The following CDH26 variants were observed in gnomAD, a reference collection of about 807,000 sequenced individuals.
CDH26 encodes the protein cadherin 26, also known as cadherin-like protein 26.
CDH26 carries 83 observed loss-of-function variants against 90.3 expected under a neutral mutation model. The ratio of observed to expected loss-of-function variants is 0.92; its 90% CI spans 0.77 to 1.10. The LOEUF is 1.10. CDH26 is among the 50% of genes least tolerant of loss of function. The probability of loss-of-function intolerance (pLI) is 0.00; values close to 1 mark genes in which losing one functional copy is unlikely to be tolerated. For missense variants in CDH26, 1,013 were observed against 1,037.6 expected (o/e 0.98, Z 0.33); for synonymous variants, 397 against 396.3 (o/e 1.00, Z -0.02).
intron 12 of CDH26, 46 bp downstream of exon 12, chr20:59,996,100 AG>A (rs753556079): frequency 5.0e-5 from 78 of 1,572,880 alleles, no homozygotes; most frequent in Non-Finnish European, 6.6e-5. Context: ...TCCTCTCCCC[AG>A]GCAATAGGCC....
chr20:59,988,888 C>G lies in CDH26; in HGVS notation c.1024-16C>G. 1 of 1,611,084 alleles carries G rather than the reference C, an allele frequency of 6.2e-7. No individual in the cohort carries two copies. Among genetic ancestry groups the G allele is most frequent in the Non-Finnish European group, 8.5e-7 (1 of 1,177,752 alleles). On this transcript the variant is annotated splice_polypyrimidine_tract_variant and intron_variant, in intron 8 of 17. Transcript: ENST00000348616. Reference sequence around the variant, plus strand: ...GAGCAGCAGGTGCTAATGAAATCCTCTCTCTGGGGTTCCAGCCTTTGGATT... The same window carrying G: ...GAGCAGCAGGTGCTAATGAAATCCTGTCTCTGGGGTTCCAGCCTTTGGATT...
At chr20:60,001,465 T>G (rs1268957324) in intron 15 of CDH26, 54 bp downstream of exon 15, 61 of 1,600,372 alleles carry the variant, frequency 3.8e-5, no homozygotes, top group African/African-American at 1.3e-5. Flanking sequence ...TGACTAACAG[T>G]TGGTCCCCCT....
chr20:59,967,882 T>TCTCTCTCTCTCTCTC (rs1569024328), intron 1 of CDH26, among the ~76,000 whole-genome samples: 1 of 116,452 alleles, frequency 8.6e-6, no homozygotes, highest in African/African-American at 4.8e-5. Flanking sequence ...TCTTTCTTCC[T>TCTCTCTCTCTCTCTC]TCCTTCCTTC....
chr20:60,006,899 G>A (rs1764418995), intron 17 of CDH26, 112 bp downstream of exon 17: 2 of 762,136 alleles, frequency 2.6e-6, no homozygotes, highest in Admixed American at 4.3e-5. Flanking sequence ...AGTCAGCTAA[G>A]GCTGCCATAA....
At position 59,992,584 on chromosome 20, in the gene CDH26, C is replaced by T. The variant is rs868775980; in HGVS notation, c.1426+64C>T. 1.3e-6 allele frequency: 2 copies of T among 1,541,284 alleles called. No homozygotes were observed. The highest frequency in any genetic ancestry group is 2.2e-5 in the East Asian group (1 of 44,452). On this transcript the variant is annotated intron_variant, in intron 10 of 17. Coordinates refer to ENST00000348616, the MANE Select transcript of CDH26 (RefSeq NM_177980.4). This position sits in a 1 kb window ranked among gnomAD's most constrained non-coding sequence, Gnocchi z 5.0. Reference sequence around the variant, plus strand: ...TTCTTGCTTCCTGCGGGAAAATAACCCTGGTGAGCGTCTTTCAGCACAGCA... The same window carrying T: ...TTCTTGCTTCCTGCGGGAAAATAACTCTGGTGAGCGTCTTTCAGCACAGCA...
In CDH26 at chr20:60,012,850, A is replaced by G. The variant is rs561486909; in HGVS notation, c.*120A>G. On this transcript the variant is annotated 3_prime_UTR_variant, in exon 18 of 18. Coordinates refer to ENST00000348616, the MANE Select transcript of CDH26 (RefSeq NM_177980.4). ...AGAAAAATTACCTTCTAGTCCTAGG[A>G]TGAGGACACACTATTAGTTTGAATT... 131 of 842,132 alleles carry G rather than the reference A, an allele frequency of 1.6e-4. No homozygotes were observed. The highest frequency in any genetic ancestry group is 2.3e-4 in the Non-Finnish European group (123 of 544,038). 52.2% of individuals were successfully genotyped at this position (842,132 alleles called of 1,614,324 possible). A position where few individuals can be genotyped will look rare whatever the true frequency, so the allele number is the denominator to read the frequency against.
intron 4 of CDH26, among the ~76,000 whole-genome samples, chr20:59,981,758 G>A (rs1485757983): frequency 6.6e-6 from 1 of 151,944 alleles, no homozygotes; most frequent in Admixed American, 6.5e-5. Context: ...TTTGTATTAT[G>A]GTAATATTAG....
chr20:60,016,728 A>C (rs1291694746), downstream of CDH26, among the ~76,000 whole-genome samples: 4 of 152,186 alleles, frequency 2.6e-5, no homozygotes, highest in East Asian at 5.8e-4. Context: ...TTCCTCATTT[A>C]GTATGATGTT....
intron 10 of CDH26, among the ~76,000 whole-genome samples, chr20:59,993,434 G>T (rs1295257168): frequency 6.6e-6 from 1 of 151,998 alleles, no homozygotes; most frequent in Non-Finnish European, 1.5e-5. Flanking sequence ...CCTGCTTCTG[G>T]GTCTCCAGAG....
intron 14 of CDH26, 137 bp from the exon 15 acceptor site, chr20:60,001,206 C>G (rs1409137426): frequency 4.9e-6 from 5 of 1,022,230 alleles, no homozygotes; most frequent in African/African-American, 4.7e-5. Context: ...ACCGCGCCCT[C>G]CCTCTCATCG....
At chr20:59,963,028 G>A (rs543734526) in intron 1 of CDH26, among the ~76,000 whole-genome samples, 7 of 152,264 alleles carry the variant, frequency 4.6e-5, no homozygotes, top group East Asian at 1.9e-4. Flanking sequence ...AGATACTTAC[G>A]TAGCCCTTGC....
In CDH26 at chr20:60,012,693, T is replaced by C. The variant is rs1164730112; in HGVS notation, c.2462T>C (p.Phe821Ser). ...LDSLGSKATPFEEIYSESGVP... is the reference protein window; with the variant it reads ...LDSLGSKATPSEEIYSESGVP... ...TCTTTGGGTTCAAAAGCGACTCCGT[T>C]TGAGGAAATATATTCAGAGTCAGGT... The change falls in exon 18 of 18, where the codon TTT becomes TCT. Residue 821 changes from phenylalanine (F) to serine (S), a missense_variant. By Grantham distance (155) the Phe-to-Ser change is radical (BLOSUM62 -2). Transcript: ENST00000348616. 6.2e-7 allele frequency: 1 copy of C among 1,614,026 alleles called. No homozygotes were observed. Among genetic ancestry groups the C allele is most frequent in the Non-Finnish European group, 8.5e-7 (1 of 1,180,034 alleles).
In CDH26 at chr20:60,012,523, C is replaced by G. The variant is rs377621032; in HGVS notation, c.2296-4C>G. The G allele has an allele frequency of 3.9e-5, 63 of 1,610,034 alleles. No individual in the cohort carries two copies. The highest frequency in any genetic ancestry group is 5.0e-5 in the Non-Finnish European group (59 of 1,177,832). On this transcript the variant is annotated splice_polypyrimidine_tract_variant and splice_region_variant and intron_variant, in intron 17 of 17. Transcript: ENST00000348616. ...TACCTTCTCTTTCCCCCACTTTTCCCCAGAAACTCCATGTTGCCAATGTGC... is the reference window on the plus strand; with the variant it reads ...TACCTTCTCTTTCCCCCACTTTTCCGCAGAAACTCCATGTTGCCAATGTGC...
At chr20:60,016,729 G>C (rs2061908665), downstream of CDH26, among the ~76,000 whole-genome samples, 1 of 152,146 alleles carries the variant, frequency 6.6e-6, no homozygotes, top group South Asian at 2.1e-4. Flanking sequence ...TCCTCATTTA[G>C]TATGATGTTA....
intron 10 of CDH26, among the ~76,000 whole-genome samples, chr20:59,993,593 T>C (rs1459202876): frequency 2.6e-5 from 4 of 152,360 alleles, no homozygotes; most frequent in African/African-American, 9.6e-5. Flanking sequence ...AAACATGATT[T>C]CATTCTTTTT....
At chr20:59,999,743 G>A in intron 14 of CDH26, 80 bp downstream of exon 14, 1 of 1,326,400 alleles carries the variant, frequency 7.5e-7, no homozygotes, top group Non-Finnish European at 1.1e-6. Context: ...CACCTGGGAT[G>A]CTCCTCCCAG....
intron 1 of CDH26, among the ~76,000 whole-genome samples, chr20:59,965,870 T>A (rs1644593564): frequency 6.6e-6 from 1 of 152,232 alleles, no homozygotes; most frequent in South Asian, 2.1e-4. Context: ...CTCTTTTGCC[T>A]GCACATGATT....
At chr20:60,033,534 T>C in exon 9 of CDH26, 1 of 1,304,354 alleles carries the variant, frequency 7.7e-7, no homozygotes, top group Non-Finnish European at 1.0e-6. Flanking sequence ...TTGTTTAAGG[T>C]TATGCAGCTG....
At chr20:59,970,615 C>A (rs2061247745) in intron 3 of CDH26, among the ~76,000 whole-genome samples, 1 of 151,518 alleles carries the variant, frequency 6.6e-6, no homozygotes, top group Non-Finnish European at 1.5e-5. Context: ...TCGAGCCCAT[C>A]CTGGCCAACA....
Sources: gnomAD v4.1 joint callset for allele counts (sites outside exome capture counted in the v4.1 genomes callset) on GRCh38, gnomAD v4.1.1 for gene constraint, Gnocchi (gnomAD v3.1) non-coding constraint, MANE v1.5 for transcripts, NCBI Gene and HGNC (gene_info 2026-07-23, HGNC 2026-07-21) for gene names.